TAF8: variants seen among roughly 807,000 people sequenced by gnomAD.
TAF8 encodes TATA-box binding protein associated factor 8.
Under a neutral mutation model 36.5 loss-of-function variants are expected in TAF8, and 47 were observed. That is an observed-to-expected ratio of 1.29 (90% CI 1.02 to 1.64). TAF8 has a LOEUF of 1.64. TAF8 is among the 40% of genes most tolerant of loss of function. The probability of loss-of-function intolerance (pLI) is 0.00; values close to 1 mark genes in which losing one functional copy is unlikely to be tolerated. For missense variants in TAF8, 420 were observed against 407.6 expected, an observed-to-expected ratio of 1.03 and a Z score of -0.26; for synonymous variants, 175 against 159.5, an observed-to-expected ratio of 1.10 and a Z score of -0.73.
At chr6:42,075,149 C>T (rs535463020) in intron 7 of TAF8, among the ~76,000 whole-genome samples, 3 of 152,102 alleles carry the variant, frequency 2.0e-5, no homozygotes, top group East Asian at 1.9e-4. Context: ...ATAGGATGGA[C>T]GGAGCGAGGA....
At chr6:42,056,895 C>T (rs1015617256) in intron 4 of TAF8, among the ~76,000 whole-genome samples, 3 of 152,178 alleles carry the variant, frequency 2.0e-5, no homozygotes, top group African/African-American at 4.8e-5. Flanking sequence ...CGTGAGCCAC[C>T]GCACCCGGCC....
At chr6:42,086,545 T>C (rs1295502936), downstream of TAF8, among the ~76,000 whole-genome samples, 2 of 152,146 alleles carry the variant, frequency 1.3e-5, no homozygotes, top group African/African-American at 4.8e-5. Context: ...AGCAACTCCT[T>C]CAGGAACTCT....
chr6:42,082,882 A>G lies in TAF8; in HGVS notation c.*5337A>G, dbSNP rs6919451. On this transcript the variant is annotated 3_prime_UTR_variant, in exon 9 of 9. Transcript: ENST00000372977. ...GGCAGCTGGCCCAGGGTAGAGCTTT[A>G]CCATGGACCCTGGCGCTCCTGGAAA... 110,379 of 152,050 alleles carry G rather than the reference A, an allele frequency of 0.73. 40,324 individuals carry two copies. Among genetic ancestry groups the G allele is most frequent in the East Asian group, 0.91 (4,692 of 5,184 alleles). 9.4% of individuals were successfully genotyped at this position (152,050 alleles called of 1,614,324 possible). A position where few individuals can be genotyped will look rare whatever the true frequency, so the allele number is the denominator to read the frequency against.
chr6:42,070,389 G>T (rs935208666), intron 7 of TAF8, among the ~76,000 whole-genome samples: 2 of 152,164 alleles, frequency 1.3e-5, no homozygotes, highest in Non-Finnish European at 2.9e-5. Flanking sequence ...CTATTTGGGA[G>T]CCCGGGGCAG....
chr6:42,072,079 C>T (rs1010013123), intron 7 of TAF8, among the ~76,000 whole-genome samples: 2 of 152,162 alleles, frequency 1.3e-5, no homozygotes, highest in African/African-American at 2.4e-5. Flanking sequence ...TTACTTTACG[C>T]CTTAGTCTAT....
intron 6 of TAF8, among the ~76,000 whole-genome samples, chr6:42,067,694 A>G (rs1765414548): frequency 6.6e-6 from 1 of 152,000 alleles, no homozygotes; most frequent in South Asian, 2.1e-4. Flanking sequence ...CAGCCTCCCT[A>G]GTAGCTGGGA....
In TAF8 at chr6:42,059,043, G is replaced by A. The variant is rs190875846; in HGVS notation, c.489+1530G>A. On this transcript the variant is annotated intron_variant, in intron 5 of 8. Transcript: ENST00000372977. The stretch of plus-strand genomic sequence containing the variant: ...GTTTTTAAGGATAATGTGGTAGGTC[G>A]GGGGAAGCCAGTGAGCCAGGAGTGC... Among the ~76,000 whole-genome samples, 10 of 152,040 alleles carry A rather than the reference G, an allele frequency of 6.6e-5. No homozygotes were observed. In the South Asian group the frequency reaches 1.0e-3, roughly 16 times the overall value.
chr6:42,057,292 G>C (rs1414280369), intron 4 of TAF8, 97 bp from the exon 5 acceptor site: 8 of 1,548,552 alleles, frequency 5.2e-6, no homozygotes, highest in Non-Finnish European at 3.5e-6. Flanking sequence ...ATTGAGGTCT[G>C]GCATTTTTTT....
chr6:42,077,115 GAGA>G lies in TAF8; in HGVS notation c.799_801del (p.Lys267del). On this transcript the variant is annotated inframe_deletion, in exon 8 of 9. Coordinates refer to ENST00000372977, the MANE Select transcript of TAF8 (RefSeq NM_138572.3). ...TTGCTCAAAGGAGGATTCTGGAGCC[GAGA>G]AGGAGAACACCTCTGTCCTGCAGCA... 1 of 1,612,868 alleles carries G rather than the reference GAGA, an allele frequency of 6.2e-7. No individual in the cohort carries two copies. Among genetic ancestry groups the G allele is most frequent in the Non-Finnish European group, 8.5e-7 (1 of 1,179,298 alleles).
At position 42,079,579 on chromosome 6, in the gene TAF8, T is replaced by C; in HGVS notation, c.*2034T>C. On this transcript the variant is annotated 3_prime_UTR_variant, in exon 9 of 9. Coordinates refer to ENST00000372977, the MANE Select transcript of TAF8 (RefSeq NM_138572.3). ...CTTCCACAGTTCAACTCCTTTTATT[T>C]TGAGACAGGGTCTCGCTGTGTCGCC... 2.0e-6 allele frequency: 2 copies of C among 985,236 alleles called. No individual in the cohort carries two copies. The highest frequency in any genetic ancestry group is 1.7e-5 in the African/African-American group (1 of 57,322). The allele number at this position is 985,236 out of a possible 1,614,324, so 61.0% of individuals were successfully genotyped here.
chr6:42,077,455 G>A (rs1184183892), intron 8 of TAF8, 78 bp from the exon 9 acceptor site: 66 of 1,589,394 alleles, frequency 4.2e-5, no homozygotes, highest in Non-Finnish European at 5.1e-5. Context: ...AACCCTCACA[G>A]CACTGGAGCA....
chr6:42,079,933 C>T lies in TAF8; in HGVS notation c.*2388C>T. The T allele has an allele frequency of 1.0e-6, 1 of 985,048 alleles. No homozygotes were observed. Among genetic ancestry groups the T allele is most frequent in the Non-Finnish European group, 1.2e-6 (1 of 829,892 alleles). The allele number at this position is 985,048 out of a possible 1,614,324, so 61.0% of individuals were successfully genotyped here. A position where few individuals can be genotyped will look rare whatever the true frequency, so the allele number is the denominator to read the frequency against. ...ACTTGACAGCAGGCTCCATGTTCTTCTGGCCTCACTGTACTGTGTAAGGAA... is the reference window on the plus strand; with the variant it reads ...ACTTGACAGCAGGCTCCATGTTCTTTTGGCCTCACTGTACTGTGTAAGGAA... On this transcript the variant is annotated 3_prime_UTR_variant, in exon 9 of 9. Coordinates refer to ENST00000372977, the MANE Select transcript of TAF8 (RefSeq NM_138572.3).
In TAF8 at chr6:42,066,166, G is replaced by T. The variant is rs1765353480; in HGVS notation, c.490-146G>T. 4.2e-6 allele frequency: 4 copies of T among 956,370 alleles called. No homozygotes were observed. In the South Asian group the frequency reaches 4.8e-5, roughly 11 times the overall value. 59.2% of individuals were successfully genotyped at this position (956,370 alleles called of 1,614,324 possible). On this transcript the variant is annotated intron_variant, in intron 5 of 8. Transcript: ENST00000372977. The stretch of plus-strand genomic sequence containing the variant: ...TCCACCAGCCTTGGCCTCCCAAAGT[G>T]CTGGGATTACAGGTGTGAGCCACTG...
downstream of TAF8, among the ~76,000 whole-genome samples, chr6:42,085,916 C>T (rs1173115304): frequency 6.6e-6 from 1 of 152,138 alleles, no homozygotes; most frequent in Admixed American, 6.5e-5. Context: ...ACCTGGGAGG[C>T]GGAGGTTGCA....
chr6:42,084,180 C>CAAAAA (rs35595303), downstream of TAF8, among the ~76,000 whole-genome samples: 8 of 63,414 alleles, frequency 1.3e-4, no homozygotes, highest in African/African-American at 3.2e-4. Flanking sequence ...GACTCTGTCT[C>CAAAAA]AAAAAAAAAA....
Position 42,051,455 on chromosome 6 carries a change from A to G in TAF8, c.144A>G (p.Ala48=), listed in dbSNP as rs1764782976. ...QVVVSSLLTE[A]GFESAEKASV... ...TTGTGAGCTCCTTGCTGACAGAGGC[A>G]GGGTTTGAGAGTGCCGAGAAAGCAT... Residue 48 remains alanine (A), a synonymous_variant, in exon 2 of 9, where the codon GCA becomes GCG. Coordinates refer to ENST00000372977, the MANE Select transcript of TAF8 (RefSeq NM_138572.3). The G allele has an allele frequency of 6.2e-7, 1 of 1,614,012 alleles. No individual in the cohort carries two copies. Among genetic ancestry groups the G allele is most frequent in the South Asian group, 1.1e-5 (1 of 91,090 alleles).
chr6:42,087,406 T>G (rs1400742816), downstream of TAF8: 4 of 148,416 alleles, frequency 2.7e-5, no homozygotes, highest in Non-Finnish European at 6.0e-5. Context: ...ACTCATATAA[T>G]AAATGGACAC....
In TAF8 at chr6:42,066,400, T is replaced by C; in HGVS notation, c.578T>C (p.Phe193Ser). ...GATGTGGAGCGGGCACTTACCCGTT[T>C]CATGGCCAAGACAGGCGAGACTCAG... ...RRDVERALTRFMAKTGETQSL... is the reference protein window; with the variant it reads ...RRDVERALTRSMAKTGETQSL... Residue 193 changes from phenylalanine to serine, a missense_variant, in exon 6 of 9, where the codon TTC (phenylalanine) becomes TCC (serine). Phe to Ser is a radical substitution (Grantham distance 155, BLOSUM62 -2). Coordinates refer to ENST00000372977, the MANE Select transcript of TAF8 (RefSeq NM_138572.3). 5 of 1,614,258 alleles carry C rather than the reference T, an allele frequency of 3.1e-6. No individual in the cohort carries two copies. Among genetic ancestry groups the C allele is most frequent in the Non-Finnish European group, 3.4e-6 (4 of 1,180,044 alleles).
Position 42,068,627 on chromosome 6 carries a change from T to C in TAF8, c.780+20T>C, listed in dbSNP as rs1244965045. The C allele has an allele frequency of 1.9e-6, 3 of 1,609,592 alleles. No homozygotes were observed. In the Admixed American group the frequency reaches 5.0e-5, roughly 27 times the overall value. ...AGCATGGTGGGTTCCACCTTCTGCC[T>C]ACCTCAGAGTATCCCCCAAACTGTC... On this transcript the variant is annotated intron_variant, in intron 7 of 8. Coordinates refer to ENST00000372977, the MANE Select transcript of TAF8 (RefSeq NM_138572.3).
Sources: allele counts gnomAD v4.1 joint callset (sites outside exome capture counted in the v4.1 genomes callset), GRCh38; gene constraint gnomAD v4.1.1; transcripts MANE v1.5; gene names NCBI Gene and HGNC (gene_info 2026-07-23, HGNC 2026-07-21).